Variants in ELP4 observed in about 807,000 individuals in gnomAD.
The protein encoded by ELP4 is elongator acetyltransferase complex subunit 4.
Under a neutral mutation model 48.9 loss-of-function variants are expected in ELP4, and 51 were observed. That is an observed-to-expected ratio of 1.04 (90% CI 0.83 to 1.32). The LOEUF (loss-of-function observed/expected upper bound fraction) is 1.32. Ranked by LOEUF, ELP4 falls within the 40% of genes most tolerant of loss-of-function variation. ELP4 has a pLI of 0.00. For synonymous variants in ELP4, 210 were observed against 189.2 expected (o/e 1.11, Z -0.90); for missense variants, 519 against 514.6 (o/e 1.01, Z -0.08).
chr11:31,776,646 A>G (rs749798410), intron 9 of ELP4, among the ~76,000 whole-genome samples: 13 of 152,242 alleles, frequency 8.5e-5, no homozygotes, highest in Non-Finnish European at 1.8e-4. Flanking sequence ...CAATACTGTC[A>G]GTTATAATTG....
rs867684446 is a variant in ELP4, at chr11:31,632,644, A to G, written c.927+239A>G. 2.2e-5 allele frequency: 8 copies of G among 366,678 alleles called. No homozygotes were observed. The Admixed American group carries it at 2.6e-4, about 12-fold the overall frequency. 22.7% of individuals were successfully genotyped at this position (366,678 alleles called of 1,614,324 possible). Reference sequence around the variant, plus strand: ...CTTGGTAATAATTTTCCTCCTATCTATGACTTGCTTTTTCTATTTTCTTAA... The same window carrying G: ...CTTGGTAATAATTTTCCTCCTATCTGTGACTTGCTTTTTCTATTTTCTTAA... On this transcript the variant is annotated intron_variant, in intron 7 of 9. Transcript: ENST00000640961.
At chr11:31,555,593 A>G (rs1187329140) in intron 3 of ELP4, among the ~76,000 whole-genome samples, 5 of 151,812 alleles carry the variant, frequency 3.3e-5, no homozygotes, top group African/African-American at 1.2e-4. Context: ...TAATATATAT[A>G]TTAATGTGGT....
chr11:31,598,213 G>A (rs1373622274), intron 4 of ELP4, among the ~76,000 whole-genome samples: 2 of 151,528 alleles, frequency 1.3e-5, no homozygotes, highest in East Asian at 2.0e-4. Flanking sequence ...CTCGGCCTCC[G>A]AAAGTGTTGG....
intron 3 of ELP4, among the ~76,000 whole-genome samples, chr11:31,568,432 C>T (rs1352552517): frequency 6.6e-6 from 1 of 152,014 alleles, no homozygotes; most frequent in Non-Finnish European, 1.5e-5. Context: ...AATTAGAAAA[C>T]GTTATTCTGA....
chr11:31,591,221 A>T (rs1254430543), intron 3 of ELP4, among the ~76,000 whole-genome samples: 1 of 151,928 alleles, frequency 6.6e-6, no homozygotes, highest in African/African-American at 2.4e-5. Flanking sequence ...CCTGGCTAAC[A>T]TGGTGAAACC....
At chr11:31,559,735 C>T (rs2133939883) in intron 3 of ELP4, among the ~76,000 whole-genome samples, 1 of 152,148 alleles carries the variant, frequency 6.6e-6, no homozygotes, top group East Asian at 1.9e-4. Context: ...GAAACCTCAT[C>T]TCTACTAAAC....
chr11:31,608,402 G>T (rs777640519), intron 5 of ELP4, among the ~76,000 whole-genome samples: 4 of 152,106 alleles, frequency 2.6e-5, no homozygotes, highest in African/African-American at 7.2e-5. Flanking sequence ...AGAAGACGGC[G>T]TGAGCAGAGC....
intron 5 of ELP4, among the ~76,000 whole-genome samples, chr11:31,624,692 A>G (rs1944701964): frequency 6.6e-6 from 1 of 151,856 alleles, no homozygotes; most frequent in Non-Finnish European, 1.5e-5. Context: ...TACATTTTAA[A>G]AACATTTTTG....
At chr11:31,721,515 T>G (rs1946958095) in intron 9 of ELP4, among the ~76,000 whole-genome samples, 1 of 152,112 alleles carries the variant, frequency 6.6e-6, no homozygotes, top group African/African-American at 2.4e-5. Flanking sequence ...TTTCTAAAAC[T>G]GTGTATTCAA....
At chr11:31,693,360 C>A (rs1946323876) in intron 9 of ELP4, among the ~76,000 whole-genome samples, 1 of 151,852 alleles carries the variant, frequency 6.6e-6, no homozygotes, top group African/African-American at 2.4e-5. Context: ...CTTCCTGTGT[C>A]TAAGTGTTCT....
chr11:31,704,399 A>G (rs973098335), intron 9 of ELP4, among the ~76,000 whole-genome samples: 7 of 152,048 alleles, frequency 4.6e-5, no homozygotes, highest in Admixed American at 3.9e-4. Context: ...AAAAAACCAT[A>G]CACCGCATGT....
At chr11:31,567,190 C>A (rs1957127072) in intron 3 of ELP4, among the ~76,000 whole-genome samples, 1 of 152,080 alleles carries the variant, frequency 6.6e-6, no homozygotes, top group African/African-American at 2.4e-5. Context: ...GTCTCAGCCT[C>A]CCAAAGTGCT....
At chr11:31,623,124 T>A (rs1295051548) in intron 5 of ELP4, among the ~76,000 whole-genome samples, 1 of 150,834 alleles carries the variant, frequency 6.6e-6, no homozygotes, top group Non-Finnish European at 1.5e-5. Context: ...AATGTGCCAC[T>A]TTTGAAGGAT....
At chr11:31,664,278 G>A (rs914969508) in intron 9 of ELP4, 1 of 152,090 alleles carries the variant, frequency 6.6e-6, no homozygotes, top group Non-Finnish European at 1.5e-5. Flanking sequence ...AAGAGTAGAT[G>A]ATTTAAAACG....
chr11:31,540,045 A>C (rs955305430), intron 3 of ELP4, among the ~76,000 whole-genome samples: 8 of 152,210 alleles, frequency 5.3e-5, no homozygotes, highest in African/African-American at 1.9e-4. Context: ...ACTGACACTA[A>C]ATAAAATTAC....
At chr11:31,570,877 G>A (rs2133956000) in intron 3 of ELP4, among the ~76,000 whole-genome samples, 1 of 134,322 alleles carries the variant, frequency 7.4e-6, no homozygotes, top group South Asian at 2.3e-4. Flanking sequence ...TCGGCTCACT[G>A]CAACCTCCAC....
intron 9 of ELP4, among the ~76,000 whole-genome samples, chr11:31,698,642 G>A (rs1946460061): frequency 6.6e-6 from 1 of 151,996 alleles, no homozygotes. Flanking sequence ...TGAACTCCTG[G>A]CCTCAAGTGA....
intron 2 of ELP4, among the ~76,000 whole-genome samples, chr11:31,531,319 A>T (rs1438441756): frequency 6.6e-6 from 1 of 152,260 alleles, no homozygotes; most frequent in South Asian, 2.1e-4. Context: ...AATATTAAGT[A>T]TATGTATACT....
At chr11:31,693,410 T>C (rs1197189208) in intron 9 of ELP4, among the ~76,000 whole-genome samples, 3 of 151,968 alleles carry the variant, frequency 2.0e-5, no homozygotes, top group Admixed American at 2.0e-4. Context: ...ATATGCAGTG[T>C]TTGGTTTTTT....
Sources: gnomAD v4.1 joint callset for allele counts (sites outside exome capture counted in the v4.1 genomes callset) on GRCh38, gnomAD v4.1.1 for gene constraint, MANE v1.5 for transcripts, NCBI Gene and HGNC (gene_info 2026-07-23, HGNC 2026-07-21) for gene names.